The following KCNQ5 variants were observed in gnomAD, a reference collection of about 807,000 sequenced individuals.
The protein encoded by KCNQ5 is potassium voltage-gated channel subfamily Q member 5.
KCNQ5 carries 30 observed loss-of-function variants against 98.2 expected under a neutral mutation model. The observed-to-expected ratio is 0.31, with a 90% CI of 0.23 to 0.41. The LOEUF (loss-of-function observed/expected upper bound fraction) is 0.41. KCNQ5 is among the 10% of genes least tolerant of loss of function. The pLI, the probability that KCNQ5 is intolerant of heterozygous loss-of-function variation, is 1.00. For missense variants in KCNQ5, 835 were observed against 1,182.5 expected, an observed-to-expected ratio of 0.71 and a Z score of 4.31; for synonymous variants, 458 against 449.4, an observed-to-expected ratio of 1.02 and a Z score of -0.24.
intron 2 of KCNQ5, among the ~76,000 whole-genome samples, chr6:73,012,453 C>T (rs563357745): frequency 1.9e-4 from 29 of 151,982 alleles, no homozygotes; most frequent in African/African-American, 7.0e-4. Flanking sequence ...ATGGTTGTTG[C>T]CAGGGGCTGT....
chr6:73,055,753 G>T, intron 3 of KCNQ5: 1 of 1,023,792 alleles, frequency 9.8e-7, no homozygotes, highest in Admixed American at 1.7e-5. Context: ...AATTGGACAA[G>T]AACTTGAAGC....
intron 1 of KCNQ5, among the ~76,000 whole-genome samples, chr6:72,908,865 T>C (rs1048894899): frequency 3.3e-5 from 5 of 152,184 alleles, no homozygotes; most frequent in Admixed American, 1.3e-4. Context: ...ATTTCTTTCT[T>C]CTTTTTTAAA....
chr6:73,091,421 G>C (rs6905395), intron 5 of KCNQ5, among the ~76,000 whole-genome samples: 1 of 152,106 alleles, frequency 6.6e-6, no homozygotes, highest in African/African-American at 2.4e-5. Context: ...TGTATACCTA[G>C]GTAACAAACC....
At chr6:72,655,026 GTCTTTCTTTCTT>G (rs55711635) in intron 1 of KCNQ5, among the ~76,000 whole-genome samples, 5,121 of 105,658 alleles carry the variant, frequency 0.048, 141 homozygotes, top group Middle Eastern at 0.067. Context: ...AGGTCTGTCT[GTCTTTCTTTCTT>G]TCTTTCTTTC....
At chr6:72,901,614 C>T (rs1311953236) in intron 1 of KCNQ5, among the ~76,000 whole-genome samples, 2 of 152,138 alleles carry the variant, frequency 1.3e-5, no homozygotes, top group Admixed American at 1.3e-4. Flanking sequence ...TGTCCTTTCC[C>T]CACTTTATGT....
chr6:72,880,859 T>C (rs1188895787), intron 1 of KCNQ5, among the ~76,000 whole-genome samples: 1 of 152,242 alleles, frequency 6.6e-6, no homozygotes, highest in African/African-American at 2.4e-5. Context: ...CAGTTTCTTG[T>C]CTTATTGCTT....
chr6:72,683,459 C>T (rs968136742), intron 1 of KCNQ5, among the ~76,000 whole-genome samples: 2 of 150,922 alleles, frequency 1.3e-5, no homozygotes, highest in Non-Finnish European at 2.9e-5. Flanking sequence ...GCTCTGCCTC[C>T]CGGGTTCACG....
intron 1 of KCNQ5, among the ~76,000 whole-genome samples, chr6:72,635,038 T>C (rs2098923230): frequency 1.3e-5 from 2 of 151,608 alleles, no homozygotes; most frequent in South Asian, 4.2e-4. Context: ...CTCACCCTTT[T>C]TTTTTTTTTT....
intron 1 of KCNQ5, among the ~76,000 whole-genome samples, chr6:72,824,785 C>CTA (rs533646037): frequency 8.6e-5 from 13 of 150,838 alleles, no homozygotes; most frequent in African/African-American, 3.2e-4. Flanking sequence ...TTCTCTGTCT[C>CTA]TGTGTGTGTG....
intron 1 of KCNQ5, among the ~76,000 whole-genome samples, chr6:72,740,466 G>T (rs1050659721): frequency 1.3e-5 from 2 of 152,122 alleles, no homozygotes; most frequent in Admixed American, 6.5e-5. Flanking sequence ...GTTACATTTG[G>T]AGACTGAAGC....
At chr6:72,773,169 G>A (rs2154477531) in intron 1 of KCNQ5, among the ~76,000 whole-genome samples, 1 of 152,178 alleles carries the variant, frequency 6.6e-6, no homozygotes, top group African/African-American at 2.4e-5. Context: ...CTACTACAAA[G>A]ACACATGCAC....
chr6:72,771,011 C>T (rs1340772649), intron 1 of KCNQ5, among the ~76,000 whole-genome samples: 7 of 151,944 alleles, frequency 4.6e-5, no homozygotes, highest in Non-Finnish European at 7.4e-5. Context: ...GGGAAGGGGG[C>T]GGGGAATTAT....
intron 10 of KCNQ5, chr6:73,157,965 G>A (rs1183369208): frequency 2.6e-6 from 2 of 765,340 alleles, no homozygotes; most frequent in East Asian, 2.5e-5. Flanking sequence ...CTTGAGTAGG[G>A]ACTCTTCATA....
chr6:73,036,242 T>C (rs921872129), intron 2 of KCNQ5, among the ~76,000 whole-genome samples: 21 of 151,514 alleles, frequency 1.4e-4, no homozygotes, highest in Middle Eastern at 6.8e-3. Flanking sequence ...AAAAATTAGC[T>C]GGGCGTGGTG....
intron 1 of KCNQ5, among the ~76,000 whole-genome samples, chr6:72,625,937 C>A (rs1052994840): frequency 6.6e-6 from 1 of 152,216 alleles, no homozygotes; most frequent in African/African-American, 2.4e-5. Context: ...AGCCTTCTCT[C>A]TGCTCTAACA....
At chr6:72,925,946 T>G (rs1765400434) in intron 1 of KCNQ5, among the ~76,000 whole-genome samples, 1 of 152,208 alleles carries the variant, frequency 6.6e-6, no homozygotes, top group African/African-American at 2.4e-5. Context: ...AGTTTTACAC[T>G]TAGGAACTTA....
At chr6:72,818,066 A>AT (rs1463895907) in intron 1 of KCNQ5, among the ~76,000 whole-genome samples, 10 of 152,256 alleles carry the variant, frequency 6.6e-5, no homozygotes, top group African/African-American at 2.2e-4. Flanking sequence ...TGATCAGTTA[A>AT]TTTTTTAAAA....
chr6:72,950,617 GAT>G (rs914116707), intron 1 of KCNQ5, among the ~76,000 whole-genome samples: 2 of 152,200 alleles, frequency 1.3e-5, no homozygotes, highest in African/African-American at 4.8e-5. Flanking sequence ...TGATGACCAA[GAT>G]GTTTACACCT....
At position 73,173,787 on chromosome 6, in the gene KCNQ5, AG is replaced by A. The variant is rs112779387; in HGVS notation, c.1577+3936del. ...CAACATGGTGAAACCCTGTCTCTAA[AG>A]GGAAAAAAAAAAAAGAATGACACTA... On this transcript the variant is annotated intron_variant, in intron 11 of 13. Coordinates refer to ENST00000370398, the MANE Select transcript of KCNQ5 (RefSeq NM_019842.4). 7.0e-4 allele frequency among the ~76,000 whole-genome samples: 105 copies of A among 150,574 alleles called. 1 individual carries two copies. The highest frequency in any genetic ancestry group is 1.4e-3 in the East Asian group (7 of 5,136).
Sources: gnomAD v4.1 joint callset for allele counts (sites outside exome capture counted in the v4.1 genomes callset) on GRCh38, gnomAD v4.1.1 for gene constraint, MANE v1.5 for transcripts, NCBI Gene and HGNC (gene_info 2026-07-23, HGNC 2026-07-21) for gene names.